CYB5R2: variants seen among roughly 807,000 people sequenced by gnomAD.
The protein encoded by CYB5R2 is cytochrome b5 reductase 2.
CYB5R2 carries 35 observed loss-of-function variants against 29.8 expected under a neutral mutation model. The observed-to-expected ratio is 1.17, with a 90% CI of 0.90 to 1.56. The LOEUF (loss-of-function observed/expected upper bound fraction) is 1.56. Among genes scored for constraint, CYB5R2 ranks in the 40% most tolerant of loss-of-function variants. The pLI, the probability that CYB5R2 is intolerant of heterozygous loss-of-function variation, is 0.00. For missense variants in CYB5R2, 419 were observed against 346.7 expected (o/e 1.21, Z -1.66); for synonymous variants, 169 against 130.6 (o/e 1.29, Z -2.01).
chr11:7,668,895 A>G lies in CYB5R2; in HGVS notation c.388+310T>C, dbSNP rs1855537095. 6.9e-6 allele frequency: 4 copies of G among 582,580 alleles called. No individual in the cohort carries two copies. In the South Asian group the frequency reaches 7.7e-5, roughly 11 times the overall value. 36.1% of individuals were successfully genotyped at this position (582,580 alleles called of 1,614,324 possible). Reference sequence around the variant, plus strand: ...GTAAACAATGGCTATGTGAGTAACCAAGGAGCATGGACTCCCTCCATCCAT... The same window carrying G: ...GTAAACAATGGCTATGTGAGTAACCGAGGAGCATGGACTCCCTCCATCCAT... On this transcript the variant is annotated intron_variant, in intron 5 of 8. Transcript: ENST00000299498.
chr11:7,673,597 C>G (rs1400854953), upstream of CYB5R2: 3 of 985,482 alleles, frequency 3.0e-6, no homozygotes, highest in Non-Finnish European at 3.6e-6. Context: ...CCCCAACCTC[C>G]CGGTCGGACG....
At chr11:7,668,669 C>A in intron 5 of CYB5R2, 108 bp from the exon 6 acceptor site, 1 of 892,104 alleles carries the variant, frequency 1.1e-6, no homozygotes, top group South Asian at 1.3e-5. Context: ...AGCTAAGGGA[C>A]TGTCTGCACC....
upstream of CYB5R2, chr11:7,674,171 G>A: frequency 8.1e-6 from 10 of 1,240,462 alleles, no homozygotes; most frequent in African/African-American, 1.5e-5. Context: ...GGATGCTGGG[G>A]AAGGAAGAAT....
Position 7,665,425 on chromosome 11 carries a change from G to T in CYB5R2, c.780C>A (p.His260Gln). ...GPPPLIQTAA[H>Q]PNLEKLGYTQ... is the part of the protein sequence containing the mutation. Reference sequence around the variant, plus strand: ...TATAACCCAGCTTCTCCAGGTTAGGGTGAGCCGCCGTCTGGATTAGTGGTG... The same window carrying T: ...TATAACCCAGCTTCTCCAGGTTAGGTTGAGCCGCCGTCTGGATTAGTGGTG... Residue 260 changes from histidine to glutamine, a missense_variant, in exon 9 of 9, where the codon CAC (histidine) becomes CAA (glutamine). Coordinates refer to ENST00000299498, the MANE Select transcript of CYB5R2 (RefSeq NM_016229.5). 6.2e-7 allele frequency: 1 copy of T among 1,611,452 alleles called. No individual in the cohort carries two copies. The highest frequency in any genetic ancestry group is 8.5e-7 in the Non-Finnish European group (1 of 1,179,000).
At chr11:7,668,341 G>A (rs972758477) in intron 6 of CYB5R2, 137 bp downstream of exon 6, 4 of 772,238 alleles carry the variant, frequency 5.2e-6, no homozygotes, top group African/African-American at 1.7e-5. Context: ...TTCAAGACCT[G>A]TCACTGGTTC....
chr11:7,667,780 A>G lies in CYB5R2; in HGVS notation c.506T>C (p.Ile169Thr). 6.2e-7 allele frequency: 1 copy of G among 1,614,176 alleles called. No homozygotes were observed. Among genetic ancestry groups the G allele is most frequent in the Non-Finnish European group, 8.5e-7 (1 of 1,180,024 alleles). The change falls in exon 7 of 9, where the codon ATC (isoleucine) becomes ACC (threonine). Residue 169 changes from isoleucine (I) to threonine (T), a missense_variant. Transcript: ENST00000299498. Reference sequence around the variant, plus strand: ...GGTCCTGTCACTGGGGTCCTTGGTGATGTGGCGAATGAGCTGCAACATGGG... The same window carrying G: ...GGTCCTGTCACTGGGGTCCTTGGTGGTGTGGCGAATGAGCTGCAACATGGG... ...ITPMLQLIRH[I>T]TKDPSDRTRM... is the part of the protein sequence containing the mutation.
At position 7,665,549 on chromosome 11, in the gene CYB5R2, GA is replaced by G; in HGVS notation, c.659-4del. The G allele has an allele frequency of 6.3e-7, 1 of 1,597,500 alleles. No individual in the cohort carries two copies. The highest frequency in any genetic ancestry group is 1.1e-5 in the South Asian group (1 of 87,560). ...GAAGCCTGAGCTGTACTTCCAGCCT[GA>G]AATGAAGGAGATGCAGGAGCAAGCT... On this transcript the variant is annotated splice_region_variant and splice_polypyrimidine_tract_variant and intron_variant, in intron 8 of 8. Coordinates refer to ENST00000299498, the MANE Select transcript of CYB5R2 (RefSeq NM_016229.5).
At chr11:7,669,504 ACTG>A (rs1565154080) in intron 4 of CYB5R2, 118 bp downstream of exon 4, 1 of 1,204,294 alleles carries the variant, frequency 8.3e-7, no homozygotes. Context: ...CTGTAGCTTC[ACTG>A]CTGGAAAGCC....
chr11:7,665,727 A>G, intron 8 of CYB5R2, 181 bp from the exon 9 acceptor site: 1 of 1,192,906 alleles, frequency 8.4e-7, no homozygotes, highest in South Asian at 1.5e-5. Context: ...CCTCTGCAGC[A>G]ATCACCCCAG....
upstream of CYB5R2, chr11:7,673,733 C>G (rs1855907054): frequency 1.0e-6 from 1 of 986,398 alleles, no homozygotes; most frequent in Non-Finnish European, 1.2e-6. Context: ...GTGAGACGCC[C>G]AACACGTCGT....
At chr11:7,673,835 C>T (rs1855920217), upstream of CYB5R2, 2 of 987,894 alleles carry the variant, frequency 2.0e-6, no homozygotes, top group Non-Finnish European at 2.4e-6. Context: ...GGGGAACCGG[C>T]CGAGACCCGG....
At chr11:7,673,174 T>G in intron 1 of CYB5R2, 1 of 408,058 alleles carries the variant, frequency 2.5e-6, no homozygotes. Context: ...AGGCCCCTCC[T>G]GGCTACAGCC....
intron 7 of CYB5R2, chr11:7,667,473 GCAGTACAT>G (rs1330585545): frequency 2.7e-5 from 10 of 363,988 alleles, no homozygotes; most frequent in Non-Finnish European, 3.5e-5. Context: ...CAAAAATACA[GCAGTACAT>G]CTTAAGGAAA....
At chr11:7,666,027 G>C in intron 8 of CYB5R2, 2 of 947,010 alleles carry the variant, frequency 2.1e-6, no homozygotes, top group Non-Finnish European at 3.3e-6. Context: ...GATGCTGTCT[G>C]GGCTGCAGCA....
At chr11:7,670,453 C>A (rs1283842238) in intron 3 of CYB5R2, 2 of 152,312 alleles carry the variant, frequency 1.3e-5, no homozygotes, top group African/African-American at 2.4e-5. Context: ...TCACTGAGAT[C>A]TGTGAATAAA....
At chr11:7,668,167 T>C (rs1037032283) in intron 6 of CYB5R2, among the ~76,000 whole-genome samples, 1 of 152,178 alleles carries the variant, frequency 6.6e-6, no homozygotes, top group Non-Finnish European at 1.5e-5. Context: ...CAGGCAGTCA[T>C]TTTCAAGGGA....
intron 3 of CYB5R2, chr11:7,671,329 G>C (rs1264736073): frequency 1.3e-5 from 2 of 152,378 alleles, no homozygotes; most frequent in African/African-American, 4.8e-5. Context: ...ACTTCCACTG[G>C]GCTGGGACGA....
intron 3 of CYB5R2, chr11:7,672,166 C>T: frequency 2.5e-6 from 1 of 402,000 alleles, no homozygotes; most frequent in Non-Finnish European, 4.5e-6. Context: ...TTAAGTTCCC[C>T]AGCAAGGAGC....
chr11:7,669,255 T>C lies in CYB5R2; in HGVS notation c.338A>G (p.Glu113Gly), dbSNP rs750623422. The change falls in exon 5 of 9, where the codon GAG becomes GGG. Residue 113 changes from glutamate (E) to glycine (G), a missense_variant. By Grantham distance (98) the Glu-to-Gly change is moderately conservative. Coordinates refer to ENST00000299498, the MANE Select transcript of CYB5R2 (RefSeq NM_016229.5). ...CCTTGGCCCTCGAAAAAAGATGGTC[T>C]CCCCGATTTTCATGTTCTCCAAATA... ...TQYLENMKIG[E>G]TIFFRGPRGR... The C allele has an allele frequency of 6.2e-7, 1 of 1,614,142 alleles. No individual in the cohort carries two copies. The highest frequency in any genetic ancestry group is 1.1e-5 in the South Asian group (1 of 91,070).
Sources: allele counts gnomAD v4.1 joint callset (sites outside exome capture counted in the v4.1 genomes callset), GRCh38; gene constraint gnomAD v4.1.1; transcripts MANE v1.5; gene names NCBI Gene and HGNC (gene_info 2026-07-23, HGNC 2026-07-21).